EYS: variants seen among roughly 807,000 people sequenced by gnomAD.
The protein encoded by EYS is protein eyes shut homolog.
A neutral mutation model predicts 282.1 loss-of-function variants in EYS; 250 were observed. That is an observed-to-expected ratio of 0.89 (90% confidence interval 0.80 to 0.98). The LOEUF (loss-of-function observed/expected upper bound fraction) is 0.98, where lower values mean the gene tolerates loss of function less well. Ranked by LOEUF, EYS falls within the 50% of genes least tolerant of loss-of-function variation. The pLI, the probability that EYS is intolerant of heterozygous loss-of-function variation, is 0.00. For synonymous variants in EYS, 1,355 were observed against 1,282.9 expected (o/e 1.06, Z -1.20); for missense variants, 4,016 against 3,709.0 (o/e 1.08, Z -2.15).
At chr6:65,162,912 T>TGG (rs1554162377) in intron 12 of EYS, among the ~76,000 whole-genome samples, 4 of 6,342 alleles carry the variant, frequency 6.3e-4, no homozygotes, top group African/African-American at 2.7e-3. Flanking sequence ...CTGTTCTGTT[T>TGG]GTGTGTGTGT....
chr6:63,922,131 G>A (rs1337198166), intron 35 of EYS, among the ~76,000 whole-genome samples: 1 of 152,178 alleles, frequency 6.6e-6, no homozygotes, highest in Non-Finnish European at 1.5e-5. Flanking sequence ...ACCTGACCTT[G>A]AACTTCCAGC....
intron 30 of EYS, among the ~76,000 whole-genome samples, chr6:64,303,025 T>C (rs9444712): frequency 0.69 from 104,234 of 151,958 alleles, 35,787 homozygotes; most frequent in South Asian, 0.71. Context: ...CGCATCCCCA[T>C]GCTGAAAAAG....
At chr6:64,804,022 G>T (rs1764348924) in intron 22 of EYS, among the ~76,000 whole-genome samples, 1 of 152,166 alleles carries the variant, frequency 6.6e-6, no homozygotes, top group African/African-American at 2.4e-5. Flanking sequence ...CGTGGTTCCT[G>T]CCTGCTCCTT....
At chr6:64,424,224 T>G (rs1336184894) in intron 28 of EYS, among the ~76,000 whole-genome samples, 1 of 152,206 alleles carries the variant, frequency 6.6e-6, no homozygotes, top group Non-Finnish European at 1.5e-5. Context: ...TTTTGACAGT[T>G]TACGACCTAC....
intron 22 of EYS, among the ~76,000 whole-genome samples, chr6:64,802,952 G>A (rs1355224008): frequency 6.6e-6 from 1 of 152,186 alleles, no homozygotes; most frequent in Non-Finnish European, 1.5e-5. Context: ...CTGTGGTGAG[G>A]CGGGCAGCTC....
intron 35 of EYS, among the ~76,000 whole-genome samples, chr6:63,939,663 GAC>G (rs548667225): frequency 4.4e-4 from 67 of 151,594 alleles, no homozygotes; most frequent in African/African-American, 1.5e-3. Context: ...TGAAGTTTGT[GAC>G]AGTTTGAAAA....
At chr6:65,439,695 A>G (rs773973891) in intron 5 of EYS, among the ~76,000 whole-genome samples, 1 of 152,024 alleles carries the variant, frequency 6.6e-6, no homozygotes, top group Non-Finnish European at 1.5e-5. Context: ...TTGCACATTG[A>G]TTTTGTATCC....
At chr6:65,203,116 G>A (rs1765944414) in intron 12 of EYS, among the ~76,000 whole-genome samples, 1 of 152,120 alleles carries the variant, frequency 6.6e-6, no homozygotes, top group Non-Finnish European at 1.5e-5. Context: ...ATCAACAAAG[G>A]CTATGTAAAA....
At chr6:63,999,235 G>A (rs1767970344) in intron 33 of EYS, 52 bp from the exon 34 acceptor site, 7 of 1,185,030 alleles carry the variant, frequency 5.9e-6, no homozygotes, top group Non-Finnish European at 8.6e-6. Context: ...GGCAAGAAAG[G>A]AGTAACTTCA....
At chr6:65,034,079 C>T (rs1772691602) in intron 13 of EYS, among the ~76,000 whole-genome samples, 1 of 152,172 alleles carries the variant, frequency 6.6e-6, no homozygotes, top group South Asian at 2.1e-4. Context: ...TACTTCCCTG[C>T]TGGGTTTTGA....
intron 19 of EYS, among the ~76,000 whole-genome samples, chr6:64,865,719 G>A (rs78935853): frequency 0.022 from 3,347 of 152,110 alleles, 58 homozygotes; most frequent in Non-Finnish European, 0.032. Flanking sequence ...AAAAGGGAAG[G>A]TAAGAATGTA....
At chr6:64,182,090 G>C (rs115968397) in intron 31 of EYS, among the ~76,000 whole-genome samples, 2,396 of 152,132 alleles carry the variant, frequency 0.016, 22 homozygotes, top group East Asian at 0.035. Flanking sequence ...AAAAAACCAT[G>C]CAGAATTATA....
At chr6:63,804,661 T>A (rs906439613) in intron 37 of EYS, among the ~76,000 whole-genome samples, 2 of 152,170 alleles carry the variant, frequency 1.3e-5, no homozygotes, top group African/African-American at 4.8e-5. Context: ...CTGGTTGTGT[T>A]CAGAGATGCA....
At chr6:65,367,687 A>G (rs1191758080) in intron 8 of EYS, among the ~76,000 whole-genome samples, 1 of 151,712 alleles carries the variant, frequency 6.6e-6, no homozygotes, top group Non-Finnish European at 1.5e-5. Context: ...TTGTAAATGA[A>G]TAATAGCATA....
chr6:63,976,986 C>T (rs1399034927), intron 35 of EYS, among the ~76,000 whole-genome samples: 4 of 151,738 alleles, frequency 2.6e-5, no homozygotes, highest in African/African-American at 9.7e-5. Flanking sequence ...TTTCTCTGAA[C>T]TCTCTTTTTA....
intron 2 of EYS, among the ~76,000 whole-genome samples, chr6:65,620,930 A>G (rs1459891914): frequency 1.3e-5 from 2 of 152,114 alleles, no homozygotes; most frequent in African/African-American, 4.8e-5. Context: ...GTTTGTTATC[A>G]TTTCTGTTCT....
At chr6:64,183,745 T>G (rs998292094) in intron 31 of EYS, among the ~76,000 whole-genome samples, 2 of 152,156 alleles carry the variant, frequency 1.3e-5, no homozygotes, top group East Asian at 3.9e-4. Flanking sequence ...TTATTTCATA[T>G]GGATTGATTG....
intron 8 of EYS, among the ~76,000 whole-genome samples, chr6:65,357,806 T>C (rs1202960397): frequency 2.0e-5 from 3 of 152,002 alleles, no homozygotes; most frequent in Non-Finnish European, 4.4e-5. Context: ...AAGTAATTAT[T>C]TCAAATTCAC....
intron 22 of EYS, among the ~76,000 whole-genome samples, chr6:64,651,467 T>G (rs949599436): frequency 6.6e-6 from 1 of 152,022 alleles, no homozygotes; most frequent in African/African-American, 2.4e-5. Context: ...ATATGAAAGA[T>G]AATAAAGTAA....
Sources: allele counts gnomAD v4.1 joint callset (sites outside exome capture counted in the v4.1 genomes callset), GRCh38; gene constraint gnomAD v4.1.1; transcripts MANE v1.5; gene names NCBI Gene and HGNC (gene_info 2026-07-23, HGNC 2026-07-21).